Variants in TNFRSF8 observed in about 807,000 individuals in gnomAD.
TNFRSF8 encodes the protein tumor necrosis factor receptor superfamily member 8.
A neutral mutation model predicts 70.8 loss-of-function variants in TNFRSF8; 26 were observed. The observed-to-expected ratio is 0.37, with a 90% CI of 0.27 to 0.51. The LOEUF is 0.51. Ranked by LOEUF, TNFRSF8 falls within the 20% of genes least tolerant of loss-of-function variation. The pLI is 0.94. For synonymous variants in TNFRSF8, 356 were observed against 339.2 expected (o/e 1.05, Z -0.54); for missense variants, 720 against 807.9 (o/e 0.89, Z 1.32).
chr1:12,063,478 C>A lies in TNFRSF8; in HGVS notation c.-121C>A. 1.2e-6 allele frequency: 1 copy of A among 861,522 alleles called. No homozygotes were observed. The highest frequency in any genetic ancestry group is 1.6e-6 in the Non-Finnish European group (1 of 640,222). 53.4% of individuals were successfully genotyped at this position (861,522 alleles called of 1,614,324 possible). ...ACTAGGTGGCCGCGGCGGGAGTGTG[C>A]TGGAGCCTGAAGTCCACGCGCGCGG... On this transcript the variant is annotated 5_prime_UTR_variant, in exon 1 of 15. It adds an upstream start codon to the 5' untranslated region. Coordinates refer to ENST00000263932, the MANE Select transcript of TNFRSF8 (RefSeq NM_001243.5). This position sits in a 1 kb window ranked among gnomAD's most constrained non-coding sequence, Gnocchi z 7.2.
intron 1 of TNFRSF8, among the ~76,000 whole-genome samples, chr1:12,078,480 C>T (rs1336287889): frequency 6.6e-6 from 1 of 152,140 alleles, no homozygotes; most frequent in Non-Finnish European, 1.5e-5. Flanking sequence ...AGGAGAATTG[C>T]TTGAACGCGA....
At chr1:12,087,292 T>C (rs1407124163) in intron 2 of TNFRSF8, among the ~76,000 whole-genome samples, 2 of 151,540 alleles carry the variant, frequency 1.3e-5, no homozygotes, top group Admixed American at 6.6e-5. Context: ...CTCAGCCTCC[T>C]GAGTAGCTGG....
rs988901507 is a variant in TNFRSF8 at position 12,142,484 on chromosome 1, G to C, written c.1741G>C (p.Glu581Gln). 2 of 1,601,612 alleles carry C rather than the reference G, an allele frequency of 1.2e-6. No individual in the cohort carries two copies. The highest frequency in any genetic ancestry group is 2.7e-5 in the African/African-American group (2 of 74,836). The change falls in exon 15 of 15, where the codon GAG (glutamate) becomes CAG (glutamine). Residue 581 changes from glutamate (E) to glutamine (Q), a missense_variant. Transcript: ENST00000263932. The surrounding 1 kb of genome is among the most constrained non-coding windows in gnomAD (Gnocchi z 5.0). Reference protein sequence around the residue: ...SCSDVMLSVEEEGKEDPLPTA... With the variant: ...SCSDVMLSVEQEGKEDPLPTA... ...CAGCGATGTCATGCTCTCAGTGGAA[G>C]AGGAAGGGAAAGAAGACCCCTTGCC...
At chr1:12,127,917 C>G (rs1380370431) in intron 12 of TNFRSF8, among the ~76,000 whole-genome samples, 2 of 152,228 alleles carry the variant, frequency 1.3e-5, no homozygotes, top group East Asian at 1.9e-4. Context: ...CCCTGAGACT[C>G]AATGGTGGAC....
chr1:12,115,141 CT>C (rs1019005427), intron 7 of TNFRSF8, among the ~76,000 whole-genome samples: 2 of 152,214 alleles, frequency 1.3e-5, no homozygotes, highest in Non-Finnish European at 2.9e-5. Flanking sequence ...CCCATGCCCG[CT>C]CACCCCGTCC....
In TNFRSF8 at chr1:12,142,044, A is replaced by T. The variant is rs1422607127; in HGVS notation, c.1544-243A>T. The stretch of plus-strand genomic sequence containing the variant: ...TCTTCTTCCCTACCCATCCGCAGAG[A>T]TGTGCTGAGAAAATCCTAAGTACAA... On this transcript the variant is annotated intron_variant, in intron 14 of 14. Coordinates refer to ENST00000263932, the MANE Select transcript of TNFRSF8 (RefSeq NM_001243.5). This position sits in a 1 kb window ranked among gnomAD's most constrained non-coding sequence, Gnocchi z 5.0. Among the ~76,000 whole-genome samples the T allele has an allele frequency of 6.6e-6, 1 of 152,136 alleles. No individual in the cohort carries two copies. Among genetic ancestry groups the T allele is most frequent in the Admixed American group, 6.5e-5 (1 of 15,276 alleles).
At chr1:12,130,542 T>TC (rs1254522402) in intron 12 of TNFRSF8, among the ~76,000 whole-genome samples, 1 of 152,024 alleles carries the variant, frequency 6.6e-6, no homozygotes, top group Non-Finnish European at 1.5e-5. Context: ...TGTGCCAAAT[T>TC]CCCCCCTTGG....
At chr1:12,111,003 T>C (rs1229512834) in intron 6 of TNFRSF8, among the ~76,000 whole-genome samples, 2 of 152,216 alleles carry the variant, frequency 1.3e-5, no homozygotes, top group Non-Finnish European at 2.9e-5. Context: ...TTGACTATAA[T>C]GAAGAAAGAA....
chr1:12,129,865 G>T (rs1642015461), intron 12 of TNFRSF8, among the ~76,000 whole-genome samples: 1 of 152,128 alleles, frequency 6.6e-6, no homozygotes, highest in Non-Finnish European at 1.5e-5. Flanking sequence ...TTGAGACTAT[G>T]TCAATAGCCC....
intron 3 of TNFRSF8, among the ~76,000 whole-genome samples, chr1:12,101,954 C>T (rs777462313): frequency 2.6e-5 from 4 of 152,240 alleles, no homozygotes; most frequent in East Asian, 1.9e-4. Flanking sequence ...GGATTACAGG[C>T]GTGAGCCACC....
intron 2 of TNFRSF8, among the ~76,000 whole-genome samples, chr1:12,093,096 G>A (rs969448793): frequency 3.9e-5 from 6 of 152,250 alleles, no homozygotes; most frequent in Admixed American, 2.0e-4. Flanking sequence ...GTGAGCCACC[G>A]CACCGGCCAA....
At chr1:12,099,900 G>T in intron 3 of TNFRSF8, among the ~76,000 whole-genome samples, 1 of 152,174 alleles carries the variant, frequency 6.6e-6, no homozygotes, top group Non-Finnish European at 1.5e-5. Context: ...CGGGCACAGT[G>T]ACTCACACCT....
chr1:12,069,612 G>A (rs1353008696), intron 1 of TNFRSF8, among the ~76,000 whole-genome samples: 2 of 152,162 alleles, frequency 1.3e-5, no homozygotes, highest in Non-Finnish European at 2.9e-5. Flanking sequence ...TATTCCTCAC[G>A]TAGCGTGAGC....
chr1:12,135,553 C>T (rs1324626834), intron 12 of TNFRSF8, 35 bp from the exon 13 acceptor site: 5 of 1,613,646 alleles, frequency 3.1e-6, no homozygotes, highest in Non-Finnish European at 4.2e-6. Context: ...GGCTGCCAGA[C>T]TCCTTGGTGA....
At chr1:12,084,422 T>G (rs1641117342) in intron 1 of TNFRSF8, 42 bp from the exon 2 acceptor site, 2 of 1,570,506 alleles carry the variant, frequency 1.3e-6, no homozygotes, top group South Asian at 2.2e-5. Flanking sequence ...AGTATGGATA[T>G]CTGGGATCCA....
chr1:12,133,148 G>T (rs1004383899), intron 12 of TNFRSF8, among the ~76,000 whole-genome samples: 1 of 152,154 alleles, frequency 6.6e-6, no homozygotes, highest in South Asian at 2.1e-4. Context: ...TCCTGAGGGT[G>T]TGTTCCCTCA....
At chr1:12,072,800 C>T (rs1235757744) in intron 1 of TNFRSF8, among the ~76,000 whole-genome samples, 1 of 152,202 alleles carries the variant, frequency 6.6e-6, no homozygotes, top group Non-Finnish European at 1.5e-5. Context: ...TGGTTCCAAC[C>T]TGCTGAGACC....
chr1:12,092,682 G>C (rs1409895582), intron 2 of TNFRSF8, among the ~76,000 whole-genome samples: 1 of 151,512 alleles, frequency 6.6e-6, no homozygotes, highest in Non-Finnish European at 1.5e-5. Context: ...TAATTTTTTT[G>C]TATTTTTAGG....
intron 2 of TNFRSF8, among the ~76,000 whole-genome samples, chr1:12,094,613 G>GT (rs1042247656): frequency 0.042 from 5,032 of 119,294 alleles, 257 homozygotes; most frequent in African/African-American, 0.13. Context: ...CATGAAGCTA[G>GT]TTTTTTTTTT....
Sources: gnomAD v4.1 joint callset for allele counts (sites outside exome capture counted in the v4.1 genomes callset) on GRCh38, gnomAD v4.1.1 for gene constraint, Gnocchi (gnomAD v3.1) non-coding constraint, MANE v1.5 for transcripts, NCBI Gene and HGNC (gene_info 2026-07-23, HGNC 2026-07-21) for gene names.